SLC26A4: variants seen among roughly 807,000 people sequenced by gnomAD.
SLC26A4 encodes pendrin.
A neutral mutation model predicts 90.4 loss-of-function variants in SLC26A4; 93 were observed. The observed-to-expected ratio is 1.03, with a 90% CI of 0.87 to 1.22. The LOEUF (loss-of-function observed/expected upper bound fraction) is 1.22. Ranked by LOEUF, SLC26A4 falls within the 50% of genes most tolerant of loss-of-function variation. SLC26A4 has a pLI of 0.00. For synonymous variants in SLC26A4, 393 were observed against 354.6 expected (o/e 1.11, Z -1.22); for missense variants, 1,127 against 946.2 (o/e 1.19, Z -2.51).
At chr7:107,713,181 C>T (rs1792240245) in intron 20 of SLC26A4, among the ~76,000 whole-genome samples, 1 of 152,190 alleles carries the variant, frequency 6.6e-6, no homozygotes, top group Non-Finnish European at 1.5e-5. Context: ...GAGGTGAACA[C>T]TGAAGGAAGA....
In SLC26A4 at chr7:107,663,517, T is replaced by A; in HGVS notation, c.304+82T>A. ...CCAGCTACCATAGGTCTGTGACAGA[T>A]GGTTGCTTACCCTTCAAGGCCTGTA... On this transcript the variant is annotated intron_variant, in intron 3 of 20. Coordinates refer to ENST00000644269, the MANE Select transcript of SLC26A4 (RefSeq NM_000441.2). 1.2e-5 allele frequency: 18 copies of A among 1,500,858 alleles called. No individual in the cohort carries two copies. In the South Asian group the frequency reaches 2.0e-4, roughly 17 times the overall value. 93.0% of individuals were successfully genotyped at this position (1,500,858 alleles called of 1,614,324 possible). A position where few individuals can be genotyped will look rare whatever the true frequency, so the allele number is the denominator to read the frequency against.
At chr7:107,681,685 T>C (rs1414452158) in intron 6 of SLC26A4, among the ~76,000 whole-genome samples, 2 of 152,182 alleles carry the variant, frequency 1.3e-5, no homozygotes, top group African/African-American at 2.4e-5. Context: ...TGTTCTTCCT[T>C]GGGATTCTTC....
intron 4 of SLC26A4, 140 bp from the exon 5 acceptor site, chr7:107,674,024 T>C: frequency 2.4e-6 from 2 of 850,484 alleles, no homozygotes; most frequent in Non-Finnish European, 3.8e-6. Context: ...AGCCACTGGG[T>C]CCGGCTCAGC....
At chr7:107,673,538 C>T (rs753073444) in intron 4 of SLC26A4, among the ~76,000 whole-genome samples, 1 of 151,998 alleles carries the variant, frequency 6.6e-6, no homozygotes. Context: ...GCTACCTTTG[C>T]CAGAAAACCT....
In SLC26A4 at chr7:107,661,912, C is replaced by T; in HGVS notation, c.164+107C>T. On this transcript the variant is annotated intron_variant, in intron 2 of 20. Transcript: ENST00000644269. The surrounding 1 kb of genome is among the most constrained non-coding windows in gnomAD (Gnocchi z 5.1). ...GAGAGTGGGGTGCGGGCGGCGGAGC[C>T]CCTGGGCGCCAGCTGCTTCTCCCAG... 1.6e-6 allele frequency: 2 copies of T among 1,273,660 alleles called. No homozygotes were observed. Among genetic ancestry groups the T allele is most frequent in the Non-Finnish European group, 2.1e-6 (2 of 945,694 alleles). 78.9% of individuals were successfully genotyped at this position (1,273,660 alleles called of 1,614,324 possible).
At chr7:107,703,953 G>A (rs990895818) in intron 17 of SLC26A4, among the ~76,000 whole-genome samples, 1 of 152,160 alleles carries the variant, frequency 6.6e-6, no homozygotes, top group African/African-American at 2.4e-5. Flanking sequence ...ATTCAAAATA[G>A]AGGCCTTGAC....
intron 10 of SLC26A4, among the ~76,000 whole-genome samples, chr7:107,691,480 C>T (rs755932512): frequency 2.1e-5 from 3 of 143,882 alleles, no homozygotes; most frequent in East Asian, 2.2e-4. Flanking sequence ...CCAGCCTGGG[C>T]GACAAGAGCT....
chr7:107,710,014 T>C (rs1792136774), intron 18 of SLC26A4, 40 bp from the exon 19 acceptor site: 1 of 1,587,654 alleles, frequency 6.3e-7, no homozygotes, highest in Non-Finnish European at 8.6e-7. Flanking sequence ...AAAATTTCTT[T>C]TCCTAGGAAC....
chr7:107,686,367 C>T (rs1331970197), intron 8 of SLC26A4, among the ~76,000 whole-genome samples: 4 of 147,894 alleles, frequency 2.7e-5, no homozygotes, highest in Admixed American at 6.7e-5. Flanking sequence ...ACCTTCCCTC[C>T]CTTTCCTCCC....
At position 107,694,649 on chromosome 7, in the gene SLC26A4, A is replaced by G; in HGVS notation, c.1370A>G (p.Asn457Ser). ...GTCTTGGCAGCTGTTGTAATTGCCA[A>G]CCTGAAAGGGATGTTTATGCAGCTG... is the stretch of plus-strand genomic sequence containing the variant. ...KSVLAAVVIANLKGMFMQLCD... is the reference protein window; with the variant it reads ...KSVLAAVVIASLKGMFMQLCD... Residue 457 changes from asparagine (N) to serine (S), a missense_variant, in exon 12 of 21, where the codon AAC (asparagine) becomes AGC (serine). Asn to Ser is a conservative substitution (Grantham distance 46). Transcript: ENST00000644269. The G allele has an allele frequency of 5.6e-6, 9 of 1,613,746 alleles. No homozygotes were observed. Among genetic ancestry groups the G allele is most frequent in the South Asian group, 5.5e-5 (5 of 91,074 alleles).
intron 14 of SLC26A4, among the ~76,000 whole-genome samples, chr7:107,699,140 G>A (rs1419812994): frequency 1.3e-5 from 2 of 152,128 alleles, no homozygotes; most frequent in Non-Finnish European, 2.9e-5. Flanking sequence ...GAGCTAAAAT[G>A]ATTTAGAGAT....
rs397516426 is a variant in SLC26A4, at chr7:107,702,052, C to A, written c.2029C>A (p.Arg677=). 1.9e-6 allele frequency: 3 copies of A among 1,601,736 alleles called. No individual in the cohort carries two copies. The highest frequency in any genetic ancestry group is 2.6e-6 in the Non-Finnish European group (3 of 1,168,912). The stretch of plus-strand genomic sequence containing the variant: ...GGACGTTGTTGGAGTGAGATCACTG[C>A]GGGTGGTAAGGTTCTGGTTTTCTGA... ...FLDVVGVRSL[R]VIVKEFQRID... is the part of the protein sequence containing the mutation. Residue 677 remains arginine, a synonymous_variant, in exon 17 of 21, where the codon CGG becomes AGG. Coordinates refer to ENST00000644269, the MANE Select transcript of SLC26A4 (RefSeq NM_000441.2).
chr7:107,708,123 C>T (rs1026621470), intron 18 of SLC26A4, among the ~76,000 whole-genome samples: 5 of 152,156 alleles, frequency 3.3e-5, no homozygotes, highest in African/African-American at 1.2e-4. Context: ...ACACATAGGC[C>T]CACACTTTAG....
Position 107,690,145 on chromosome 7 carries a change from A to G in SLC26A4, c.1171A>G (p.Ser391Gly). The G allele has an allele frequency of 2.5e-6, 4 of 1,610,938 alleles. No individual in the cohort carries two copies. Among genetic ancestry groups the G allele is most frequent in the Non-Finnish European group, 2.5e-6 (3 of 1,177,096 alleles). The change falls in exon 10 of 21, where the codon AGC becomes GGC. Residue 391 changes from serine to glycine, a missense_variant. By Grantham distance (56) the Ser-to-Gly change is moderately conservative (BLOSUM62 0). Transcript: ENST00000644269. Reference protein sequence around the residue: ...GNQEFIAFGISNIFSGFFSCF... With the variant: ...GNQEFIAFGIGNIFSGFFSCF... ...TTAGGAATTCATTGCCTTTGGGATC[A>G]GCAACATCTTCTCAGGATTCTTCTC...
intron 2 of SLC26A4, 31 bp from the exon 3 acceptor site, chr7:107,663,265 T>C (rs1241667685): frequency 2.5e-6 from 4 of 1,614,116 alleles, no homozygotes; most frequent in Admixed American, 1.7e-5. Context: ...TGAGATTGGA[T>C]TGAAAACCCA....
rs55943182 is a variant in SLC26A4 at position 107,673,968 on chromosome 7, C to T, written c.416-196C>T. 0.016 allele frequency among the ~76,000 whole-genome samples: 2,480 copies of T among 152,104 alleles called. 74 individuals carry two copies. Among genetic ancestry groups the T allele is most frequent in the African/African-American group, 0.058 (2,384 of 41,440 alleles). On this transcript the variant is annotated intron_variant, in intron 4 of 20. Transcript: ENST00000644269. ...CTGGTCTGGAACTCCTGGGCTCAAG[C>T]GATCTTCCCACCTCAGTCTCCCAAA... is the stretch of plus-strand genomic sequence containing the variant.
rs987819346 is a variant in SLC26A4 at position 107,717,640 on chromosome 7, A to G, written c.*2194A>G. On this transcript the variant is annotated 3_prime_UTR_variant, in exon 21 of 21. Transcript: ENST00000644269. ...TCAATGAAAATTTCACTTGAAATTA[A>G]AGCTGCCTTTTGTTATATTTTTAAC... 1 of 152,644 alleles carries G rather than the reference A, an allele frequency of 6.6e-6. No homozygotes were observed. The highest frequency in any genetic ancestry group is 1.5e-5 in the Non-Finnish European group (1 of 68,036). 9.5% of individuals were successfully genotyped at this position (152,644 alleles called of 1,614,324 possible). A position where few individuals can be genotyped will look rare whatever the true frequency, so the allele number is the denominator to read the frequency against.
chr7:107,674,022 G>C (rs916325944), intron 4 of SLC26A4, 142 bp from the exon 5 acceptor site: 10 of 833,754 alleles, frequency 1.2e-5, no homozygotes, highest in African/African-American at 3.4e-5. Flanking sequence ...TGAGCCACTG[G>C]GTCCGGCTCA....
chr7:107,665,989 A>G (rs1283507109), intron 3 of SLC26A4, among the ~76,000 whole-genome samples: 1 of 152,204 alleles, frequency 6.6e-6, no homozygotes, highest in Non-Finnish European at 1.5e-5. Context: ...TTTATCATTC[A>G]TTCACTTAAT....
Sources: gnomAD v4.1 joint callset for allele counts (sites outside exome capture counted in the v4.1 genomes callset) on GRCh38, gnomAD v4.1.1 for gene constraint, Gnocchi (gnomAD v3.1) non-coding constraint, MANE v1.5 for transcripts, NCBI Gene and HGNC (gene_info 2026-07-23, HGNC 2026-07-21) for gene names.